The following CLNK variants were observed in gnomAD, a reference collection of about 807,000 sequenced individuals.
CLNK encodes cytokine dependent hematopoietic cell linker.
In CLNK, 74 loss-of-function variants were observed where a neutral mutation model predicts 68.6. The observed-to-expected ratio is 1.08, with a 90% confidence interval of 0.89 to 1.31. The LOEUF is 1.31. CLNK is among the 50% of genes most tolerant of loss of function. CLNK has a pLI of 0.00. For missense variants in CLNK, 553 were observed against 515.3 expected, an observed-to-expected ratio of 1.07 and a Z score of -0.71; for synonymous variants, 198 against 172.2, an observed-to-expected ratio of 1.15 and a Z score of -1.17.
chr4:10,626,853 G>A (rs1434745389), intron 2 of CLNK, among the ~76,000 whole-genome samples: 4 of 152,140 alleles, frequency 2.6e-5, no homozygotes, highest in Non-Finnish European at 4.4e-5. Context: ...TTCACTCCTG[G>A]TTCTGCCTTT....
At chr4:10,690,979 A>G in the CLNK span, among the ~76,000 whole-genome samples, 1 of 152,036 alleles carries the variant, frequency 6.6e-6, no homozygotes, top group Admixed American at 6.6e-5. Context: ...AATGAAATGA[A>G]GAGTGTGGGG....
the CLNK span, among the ~76,000 whole-genome samples, chr4:10,726,002 G>C: frequency 2.0e-5 from 3 of 152,172 alleles, no homozygotes; most frequent in African/African-American, 7.2e-5. Flanking sequence ...CACAGTTCTG[G>C]GGACCAGAGG....
rs1225745996 is a variant in CLNK at position 10,562,395 on chromosome 4, TTTTG to T, written c.399+2272_399+2275del. Among the ~76,000 whole-genome samples, 4 of 152,012 alleles carry T rather than the reference TTTTG, an allele frequency of 2.6e-5. No individual in the cohort carries two copies. In the South Asian group the frequency reaches 6.2e-4, roughly 24 times the overall value. Reference sequence around the variant, plus strand: ...AGTGATGATGTTCATCTTTTGAGATTTTTGTTTGTTTGTTTTTGTTTTTGTTTTT... The same window carrying T: ...AGTGATGATGTTCATCTTTTGAGATTTTTGTTTGTTTTTGTTTTTGTTTTT... On this transcript the variant is annotated intron_variant, in intron 7 of 18. Transcript: ENST00000226951.
chr4:10,515,384 G>T (rs1447353870), intron 15 of CLNK, among the ~76,000 whole-genome samples: 1 of 151,616 alleles, frequency 6.6e-6, no homozygotes, highest in East Asian at 1.9e-4. Context: ...ACTCTGTTCT[G>T]TGTGTAATGA....
chr4:10,547,984 A>G (rs1719302467), intron 8 of CLNK, among the ~76,000 whole-genome samples: 1 of 152,082 alleles, frequency 6.6e-6, no homozygotes, highest in Admixed American at 6.5e-5. Context: ...CCTGTTTTCA[A>G]TTCTTTGGGT....
intron 7 of CLNK, among the ~76,000 whole-genome samples, chr4:10,559,717 T>A (rs907707993): frequency 6.6e-6 from 1 of 152,154 alleles, no homozygotes; most frequent in Non-Finnish European, 1.5e-5. Flanking sequence ...CCCAGGAATA[T>A]TTCCTGTCCC....
At chr4:10,627,395 A>C (rs184962381) in intron 2 of CLNK, among the ~76,000 whole-genome samples, 1 of 152,274 alleles carries the variant, frequency 6.6e-6, no homozygotes. Flanking sequence ...TGGCATTTGG[A>C]GGAAACAATA....
At position 10,532,108 on chromosome 4, in the gene CLNK, C is replaced by T. The variant is rs139180344; in HGVS notation, c.630+148G>A. ...GCTTGTTTTACTTTGGCTTTCTTAT[C>T]TTTAAAATAGAGATACTAATGCATT... is the stretch of plus-strand genomic sequence containing the variant. On this transcript the variant is annotated intron_variant, in intron 12 of 18. Coordinates refer to ENST00000226951, the MANE Select transcript of CLNK (RefSeq NM_052964.4). 65 of 718,446 alleles carry T rather than the reference C, an allele frequency of 9.0e-5. No homozygotes were observed. The African/African-American group carries it at 1.1e-3, about 12-fold the overall frequency. 44.5% of individuals were successfully genotyped at this position (718,446 alleles called of 1,614,324 possible).
intron 5 of CLNK, among the ~76,000 whole-genome samples, chr4:10,571,457 C>T (rs572551965): frequency 9.3e-5 from 14 of 150,740 alleles, no homozygotes; most frequent in African/African-American, 1.2e-4. Context: ...GCCTCAGCCT[C>T]GTGAGTAGCT....
intron 12 of CLNK, among the ~76,000 whole-genome samples, chr4:10,531,058 TA>T (rs997976709): frequency 1.1e-4 from 16 of 152,210 alleles, no homozygotes; most frequent in African/African-American, 3.9e-4. Flanking sequence ...AACATTCTCA[TA>T]AAACCAACAA....
chr4:10,657,829 A>G (rs1371058742), intron 2 of CLNK, among the ~76,000 whole-genome samples: 1 of 152,208 alleles, frequency 6.6e-6, no homozygotes, highest in Admixed American at 6.5e-5. Flanking sequence ...CTCCCCGCCA[A>G]TCGAGAGATA....
At chr4:10,722,187 T>C in the CLNK span, among the ~76,000 whole-genome samples, 1 of 151,926 alleles carries the variant, frequency 6.6e-6, no homozygotes, top group East Asian at 1.9e-4. Flanking sequence ...AGTAAATAAA[T>C]ATGATAAGGT....
Position 10,528,077 on chromosome 4 carries a change from T to C in CLNK, c.648A>G (p.Lys216=). 1.5e-6 allele frequency: 2 copies of C among 1,353,066 alleles called. No homozygotes were observed. The highest frequency in any genetic ancestry group is 1.9e-6 in the Non-Finnish European group (2 of 1,030,046). The allele number at this position is 1,353,066 out of a possible 1,614,324, so 83.8% of individuals were successfully genotyped here. A position where few individuals can be genotyped will look rare whatever the true frequency, so the allele number is the denominator to read the frequency against. ...AGAAAACAAATGTAAACAATTCACC[T>C]TTTTCTGCTTCAAGGACCTGTATTG... The part of the protein sequence containing the change: ...RDLSEVLEAE[K]VPHNQRKPES... Residue 216 remains lysine, a splice_region_variant and synonymous_variant, in exon 13 of 19, where the codon AAA becomes AAG. Transcript: ENST00000226951.
intron 18 of CLNK, among the ~76,000 whole-genome samples, chr4:10,499,927 T>G (rs1716971611): frequency 6.6e-6 from 1 of 152,152 alleles, no homozygotes; most frequent in Non-Finnish European, 1.5e-5. Context: ...TAACCTTAAT[T>G]ACCTCTTTCA....
chr4:10,661,170 T>C (rs905158751), intron 2 of CLNK, among the ~76,000 whole-genome samples: 1 of 152,170 alleles, frequency 6.6e-6, no homozygotes, highest in African/African-American at 2.4e-5. Context: ...TGTTCACACA[T>C]GTCATGAAGG....
intron 2 of CLNK, among the ~76,000 whole-genome samples, chr4:10,606,913 A>G: frequency 6.6e-6 from 1 of 152,380 alleles, no homozygotes; most frequent in East Asian, 1.9e-4. Context: ...TGTTTTTAAC[A>G]GGTAGTAAGC....
rs763242022 is a variant in CLNK, at chr4:10,488,282, C to T, written c.*2185G>A. The stretch of plus-strand genomic sequence containing the variant: ...ACTTGACATTCACCTATTTTATCAA[C>T]AGCAATGGTTGAGAGGACTCATAGA... On this transcript the variant is annotated 3_prime_UTR_variant, in exon 19 of 19. Transcript: ENST00000226951. 5 of 152,184 alleles carry T rather than the reference C, an allele frequency of 3.3e-5. No individual in the cohort carries two copies. Among genetic ancestry groups the T allele is most frequent in the Non-Finnish European group, 5.9e-5 (4 of 68,036 alleles). The allele number at this position is 152,184 out of a possible 1,614,324, so 9.4% of individuals were successfully genotyped here. A position where few individuals can be genotyped will look rare whatever the true frequency, so the allele number is the denominator to read the frequency against.
intron 8 of CLNK, among the ~76,000 whole-genome samples, chr4:10,557,023 C>A (rs1382883739): frequency 6.6e-6 from 1 of 151,762 alleles, no homozygotes; most frequent in Non-Finnish European, 1.5e-5. Flanking sequence ...TTGCAGTGAG[C>A]CAAGATCACG....
chr4:10,550,770 A>AT (rs1400592207), intron 8 of CLNK, among the ~76,000 whole-genome samples: 1 of 152,078 alleles, frequency 6.6e-6, no homozygotes, highest in Non-Finnish European at 1.5e-5. Flanking sequence ...AGCATACAAT[A>AT]TTTTTTCTTT....
Sources: allele counts gnomAD v4.1 joint callset (sites outside exome capture counted in the v4.1 genomes callset), GRCh38; gene constraint gnomAD v4.1.1; transcripts MANE v1.5; gene names NCBI Gene and HGNC (gene_info 2026-07-23, HGNC 2026-07-21).